CEP126: variants seen among roughly 807,000 people sequenced by gnomAD.
The protein encoded by CEP126 is centrosomal protein of 126 kDa.
Under a neutral mutation model 107.8 loss-of-function variants are expected in CEP126, and 74 were observed. That is an observed-to-expected ratio of 0.69 (90% CI 0.57 to 0.83). The LOEUF is 0.83. Ranked by LOEUF, CEP126 falls within the 40% of genes least tolerant of loss-of-function variation. CEP126 has a pLI of 0.00. For missense variants in CEP126, 1,237 were observed against 1,281.9 expected (o/e 0.96, Z 0.53); for synonymous variants, 449 against 446.0 (o/e 1.01, Z -0.08).
rs1303749235 is a variant in CEP126 at position 101,997,759 on chromosome 11, T to A, written c.*116T>A. On this transcript the variant is annotated 3_prime_UTR_variant, in exon 11 of 11. Coordinates refer to ENST00000263468, the MANE Select transcript of CEP126 (RefSeq NM_020802.4). ...GTGAGCAACAACCCCCATGAACATTTGTCCTAACTCAGATTTTGTGAGCAG... is the reference window on the plus strand; with the variant it reads ...GTGAGCAACAACCCCCATGAACATTAGTCCTAACTCAGATTTTGTGAGCAG... 7.7e-6 allele frequency: 11 copies of A among 1,432,824 alleles called. No homozygotes were observed. The highest frequency in any genetic ancestry group is 1.1e-5 in the Non-Finnish European group (11 of 1,037,782). The allele number at this position is 1,432,824 out of a possible 1,614,324, so 88.8% of individuals were successfully genotyped here.
intron 2 of CEP126, among the ~76,000 whole-genome samples, chr11:101,941,194 T>C (rs1940659182): frequency 6.6e-6 from 1 of 152,196 alleles, no homozygotes; most frequent in African/African-American, 2.4e-5. Context: ...CTTCAAAGAC[T>C]ACATTAAGTA....
intron 2 of CEP126, among the ~76,000 whole-genome samples, chr11:101,933,543 T>C (rs1304750989): frequency 6.6e-6 from 1 of 152,144 alleles, no homozygotes; most frequent in Non-Finnish European, 1.5e-5. Flanking sequence ...TGCTGTGGGA[T>C]AAAACAAGGT....
Position 101,944,250 on chromosome 11 carries a change from G to T in CEP126, c.249-15G>T, listed in dbSNP as rs200089709. ...ACCACCTATTTCTGTTGCCTACTTT[G>T]TGTTTTAAATATAGAGCTTTTGAGG... On this transcript the variant is annotated splice_polypyrimidine_tract_variant and intron_variant, in intron 2 of 10. Transcript: ENST00000263468. 1 of 1,542,338 alleles carries T rather than the reference G, an allele frequency of 6.5e-7. No individual in the cohort carries two copies. The highest frequency in any genetic ancestry group is 1.4e-5 in the African/African-American group (1 of 70,410).
At chr11:101,970,785 A>T (rs1941117714) in intron 6 of CEP126, among the ~76,000 whole-genome samples, 1 of 152,198 alleles carries the variant, frequency 6.6e-6, no homozygotes, top group Non-Finnish European at 1.5e-5. Flanking sequence ...AGCACTTTAA[A>T]TATTGAAACA....
At chr11:101,993,466 G>T (rs1425269912) in intron 10 of CEP126, among the ~76,000 whole-genome samples, 2 of 152,174 alleles carry the variant, frequency 1.3e-5, no homozygotes, top group East Asian at 3.9e-4. Flanking sequence ...ACCATTGATG[G>T]GCATTTAGGT....
At chr11:101,924,742 A>G (rs902850152) in intron 2 of CEP126, among the ~76,000 whole-genome samples, 2 of 151,820 alleles carry the variant, frequency 1.3e-5, no homozygotes, top group African/African-American at 4.8e-5. Context: ...TGCTGGGATT[A>G]TAGGTGGTTT....
At chr11:101,922,145 T>G (rs17174267) in intron 1 of CEP126, among the ~76,000 whole-genome samples, 12,946 of 149,906 alleles carry the variant, frequency 0.086, 732 homozygotes, top group East Asian at 0.27. Flanking sequence ...TATATCTTAC[T>G]TTCTAATACC....
chr11:101,981,593 A>G (rs924526788), intron 7 of CEP126, among the ~76,000 whole-genome samples: 2 of 152,100 alleles, frequency 1.3e-5, no homozygotes, highest in Non-Finnish European at 2.9e-5. Context: ...GTGTCAGCCT[A>G]ATTAGCACTT....
chr11:101,946,001 AT>A (rs1253630128), intron 3 of CEP126, among the ~76,000 whole-genome samples: 9 of 152,186 alleles, frequency 5.9e-5, no homozygotes, highest in Non-Finnish European at 1.3e-4. Flanking sequence ...TGGAATATAG[AT>A]TGAAGTAGAG....
intron 2 of CEP126, among the ~76,000 whole-genome samples, chr11:101,939,550 A>G (rs904420016): frequency 2.6e-5 from 4 of 152,194 alleles, no homozygotes; most frequent in Non-Finnish European, 2.9e-5. Context: ...GAAACTGTGA[A>G]GGGTCTGAGA....
intron 2 of CEP126, among the ~76,000 whole-genome samples, chr11:101,943,006 A>G (rs1940686651): frequency 6.6e-6 from 1 of 151,876 alleles, no homozygotes; most frequent in East Asian, 1.9e-4. Flanking sequence ...TTTTACGTGG[A>G]ATCTTTAGGG....
chr11:101,991,835 T>A (rs960054122), intron 9 of CEP126, among the ~76,000 whole-genome samples: 1 of 152,172 alleles, frequency 6.6e-6, no homozygotes, highest in African/African-American at 2.4e-5. Flanking sequence ...CACAGGAGAA[T>A]AAAGACAGTA....
intron 3 of CEP126, among the ~76,000 whole-genome samples, chr11:101,947,511 G>A (rs529388494): frequency 6.6e-6 from 1 of 152,192 alleles, no homozygotes; most frequent in Admixed American, 6.5e-5. Context: ...ATGGATGAGT[G>A]TCCATAATAA....
chr11:101,915,109 A>G lies in CEP126; in HGVS notation c.-176A>G. ...CGCTGCCTCAGCTGCCATCGCCGCT[A>G]CAGGCACCAGTGCCGCTGCGCGGGA... is the stretch of plus-strand genomic sequence containing the variant. On this transcript the variant is annotated 5_prime_UTR_variant, in exon 1 of 11. Transcript: ENST00000263468. 1 of 930,750 alleles carries G rather than the reference A, an allele frequency of 1.1e-6. No homozygotes were observed. Among genetic ancestry groups the G allele is most frequent in the South Asian group, 2.2e-5 (1 of 46,268 alleles). The allele number at this position is 930,750 out of a possible 1,614,324, so 57.7% of individuals were successfully genotyped here. A position where few individuals can be genotyped will look rare whatever the true frequency, so the allele number is the denominator to read the frequency against.
intron 6 of CEP126, among the ~76,000 whole-genome samples, chr11:101,975,812 C>T (rs1175173132): frequency 6.6e-6 from 1 of 152,066 alleles, no homozygotes; most frequent in Non-Finnish European, 1.5e-5. Context: ...AGTTTAGCTC[C>T]CACTTATAAG....
At chr11:101,948,369 T>C (rs1164101167) in intron 4 of CEP126, among the ~76,000 whole-genome samples, 6 of 152,230 alleles carry the variant, frequency 3.9e-5, no homozygotes, top group East Asian at 1.9e-4. Context: ...ATACTATGTA[T>C]GTTAAATAAT....
chr11:101,997,881 C>T lies in CEP126; in HGVS notation c.*238C>T. Reference sequence around the variant, plus strand: ...ACATTATGCCTGCCTAAACAAAAAGCAGGACATAACCTAGCTCTGAATACA... The same window carrying T: ...ACATTATGCCTGCCTAAACAAAAAGTAGGACATAACCTAGCTCTGAATACA... On this transcript the variant is annotated 3_prime_UTR_variant, in exon 11 of 11. Transcript: ENST00000263468. 2.0e-6 allele frequency: 1 copy of T among 501,252 alleles called. No homozygotes were observed. The highest frequency in any genetic ancestry group is 3.5e-6 in the Non-Finnish European group (1 of 282,186). The allele number at this position is 501,252 out of a possible 1,614,324, so 31.1% of individuals were successfully genotyped here.
Position 101,999,478 on chromosome 11 carries a change from C to A in CEP126, c.*1835C>A, listed in dbSNP as rs1249057745. On this transcript the variant is annotated 3_prime_UTR_variant, in exon 11 of 11. Transcript: ENST00000263468. The stretch of plus-strand genomic sequence containing the variant: ...GTTGAAAATAGTTAAGATCCAAAGT[C>A]AGAATAGGCCAAAAAAAAAAAAAAA... The A allele has an allele frequency of 5.3e-5, 4 of 75,418 alleles. No homozygotes were observed. Among genetic ancestry groups the A allele is most frequent in the African/African-American group, 1.7e-4 (3 of 18,160 alleles). 4.7% of individuals were successfully genotyped at this position (75,418 alleles called of 1,614,324 possible). A position where few individuals can be genotyped will look rare whatever the true frequency, so the allele number is the denominator to read the frequency against.
intron 10 of CEP126, among the ~76,000 whole-genome samples, chr11:101,994,537 G>T (rs1274902): frequency 0.53 from 80,253 of 151,862 alleles, 21,894 homozygotes; most frequent in East Asian, 0.78. Context: ...TTGAGTTGAT[G>T]TTTTTGTGTA....
Sources: allele counts gnomAD v4.1 joint callset (sites outside exome capture counted in the v4.1 genomes callset), GRCh38; gene constraint gnomAD v4.1.1; transcripts MANE v1.5; gene names NCBI Gene and HGNC (gene_info 2026-07-23, HGNC 2026-07-21).